The following CSMD1 variants were observed in gnomAD, a reference collection of about 807,000 sequenced individuals.
CSMD1 encodes the protein CUB and sushi domain-containing protein 1.
In CSMD1, 213 loss-of-function variants were observed where a neutral mutation model predicts 417.5. The observed-to-expected ratio is 0.51, with a 90% CI of 0.46 to 0.57. The LOEUF (loss-of-function observed/expected upper bound fraction) is 0.57. Ranked by LOEUF, CSMD1 falls within the 20% of genes least tolerant of loss-of-function variation. The pLI is 0.00. For synonymous variants in CSMD1, 2,862 were observed against 1,736.8 expected (o/e 1.65, Z -16.11); for missense variants, 6,923 against 4,529.7 (o/e 1.53, Z -15.17).
chr8:3,384,197 G>T (rs985707250), intron 18 of CSMD1, among the ~76,000 whole-genome samples: 11 of 152,166 alleles, frequency 7.2e-5, no homozygotes, highest in Admixed American at 5.9e-4. Context: ...TAAATATGTA[G>T]ACATCTTTAA....
chr8:4,784,145 G>C (rs1249383683), intron 1 of CSMD1, among the ~76,000 whole-genome samples: 1 of 152,222 alleles, frequency 6.6e-6, no homozygotes, highest in African/African-American at 2.4e-5. Context: ...TAAGTCAGTT[G>C]CCTGATTCAT....
intron 2 of CSMD1, among the ~76,000 whole-genome samples, chr8:4,427,545 G>C (rs922886750): frequency 3.3e-5 from 5 of 151,898 alleles, no homozygotes; most frequent in Non-Finnish European, 1.5e-5. Flanking sequence ...TGAATCATGT[G>C]AGTATATATA....
At chr8:3,870,868 G>C (rs1369406005) in intron 5 of CSMD1, among the ~76,000 whole-genome samples, 1 of 152,014 alleles carries the variant, frequency 6.6e-6, no homozygotes, top group Non-Finnish European at 1.5e-5. Flanking sequence ...AGGTTCCTTA[G>C]ATGCCTGAGT....
chr8:3,870,928 T>A (rs1805441860), intron 5 of CSMD1, among the ~76,000 whole-genome samples: 1 of 152,106 alleles, frequency 6.6e-6, no homozygotes, highest in Non-Finnish European at 1.5e-5. Context: ...GTACATAGCT[T>A]TTTATGTATT....
intron 2 of CSMD1, among the ~76,000 whole-genome samples, chr8:4,440,948 G>T (rs997902058): frequency 1.3e-5 from 2 of 150,530 alleles, no homozygotes; most frequent in Non-Finnish European, 2.9e-5. Flanking sequence ...AGCGAGCCGA[G>T]ATCATGCCAC....
At chr8:3,385,048 A>T (rs1357375788) in intron 18 of CSMD1, among the ~76,000 whole-genome samples, 1 of 116,156 alleles carries the variant, frequency 8.6e-6, no homozygotes, top group Non-Finnish European at 1.6e-5. Context: ...TAATATATAA[A>T]TATATAATAT....
At chr8:3,306,147 T>G (rs1449999026) in intron 25 of CSMD1, among the ~76,000 whole-genome samples, 3 of 152,082 alleles carry the variant, frequency 2.0e-5, no homozygotes, top group Non-Finnish European at 2.9e-5. Flanking sequence ...ATTTTATTTT[T>G]GTTAAGTTAT....
rs575291455 is a variant in CSMD1 at position 4,280,926 on chromosome 8, G to T, written c.415+139027C>A. The stretch of plus-strand genomic sequence containing the variant: ...CATGGAAGTTGCAATTGCAAAAGTA[G>T]ATATACATATCCACGTTTTTTCCAA... On this transcript the variant is annotated intron_variant, in intron 3 of 69. Transcript: ENST00000635120. Among the ~76,000 whole-genome samples the T allele has an allele frequency of 8.4e-4, 128 of 152,282 alleles. No homozygotes were observed. In the South Asian group the frequency reaches 9.7e-3, roughly 12 times the overall value.
At chr8:4,786,660 C>A (rs768057711) in intron 1 of CSMD1, among the ~76,000 whole-genome samples, 5 of 152,158 alleles carry the variant, frequency 3.3e-5, no homozygotes, top group Non-Finnish European at 2.9e-5. Context: ...ATCTAGAATA[C>A]GTTCTTTTAC....
intron 1 of CSMD1, among the ~76,000 whole-genome samples, chr8:4,640,888 G>C (rs1002318859): frequency 3.4e-5 from 5 of 149,118 alleles, no homozygotes; most frequent in African/African-American, 1.2e-4. Context: ...AAAGTCTAAT[G>C]GTCTTCTTCC....
At chr8:4,795,664 T>C (rs1393531630) in intron 1 of CSMD1, among the ~76,000 whole-genome samples, 1 of 152,000 alleles carries the variant, frequency 6.6e-6, no homozygotes, top group African/African-American at 2.4e-5. Context: ...ATGAGTACAA[T>C]ATGGAAAATA....
chr8:3,947,445 G>GT (rs1309529226), intron 5 of CSMD1, among the ~76,000 whole-genome samples: 1 of 151,956 alleles, frequency 6.6e-6, no homozygotes, highest in African/African-American at 2.4e-5. Context: ...TTTTTAAAAG[G>GT]TTTTTTCTGT....
intron 3 of CSMD1, among the ~76,000 whole-genome samples, chr8:4,291,876 T>C (rs1285475756): frequency 6.6e-6 from 1 of 152,190 alleles, no homozygotes; most frequent in African/African-American, 2.4e-5. Context: ...AAGTTTCCTT[T>C]CAGGTGGACA....
rs1178035807 is a variant in CSMD1 at position 3,889,491 on chromosome 8, AT to A, written c.818+108411del. On this transcript the variant is annotated intron_variant, in intron 5 of 69. Coordinates refer to ENST00000635120, the MANE Select transcript of CSMD1 (RefSeq NM_033225.6). ...TATATATATATATATATATATATAT[AT>A]AAAATATGCTCATTAGGTCATGATA... is the stretch of plus-strand genomic sequence containing the variant. Among the ~76,000 whole-genome samples, 20 of 67,492 alleles carry A rather than the reference AT, an allele frequency of 3.0e-4. No homozygotes were observed. In the East Asian group the frequency reaches 6.2e-3, roughly 21 times the overall value. 44.3% of individuals were successfully genotyped at this position (67,492 alleles called of 152,430 possible).
chr8:4,355,220 C>A (rs1201355725), intron 3 of CSMD1, among the ~76,000 whole-genome samples: 1 of 151,836 alleles, frequency 6.6e-6, no homozygotes, highest in Non-Finnish European at 1.5e-5. Flanking sequence ...CGAGATCGCG[C>A]CACTGCACTC....
At chr8:2,967,071 G>T (rs1276024245) in intron 57 of CSMD1, among the ~76,000 whole-genome samples, 1 of 152,160 alleles carries the variant, frequency 6.6e-6, no homozygotes, top group Non-Finnish European at 1.5e-5. Flanking sequence ...CTTGCTATTT[G>T]GGGATTGAAT....
intron 23 of CSMD1, among the ~76,000 whole-genome samples, chr8:3,321,030 T>C (rs2117477704): frequency 6.6e-6 from 1 of 152,270 alleles, no homozygotes; most frequent in South Asian, 2.1e-4. Flanking sequence ...CTTTTGTATT[T>C]CCCAGTTCAT....
intron 5 of CSMD1, among the ~76,000 whole-genome samples, chr8:3,891,800 C>G (rs1461510812): frequency 2.0e-5 from 3 of 152,098 alleles, no homozygotes; most frequent in African/African-American, 7.2e-5. Flanking sequence ...TTAGGCACAT[C>G]AATTATTTCT....
At chr8:4,049,486 T>C (rs1273204079) in intron 3 of CSMD1, among the ~76,000 whole-genome samples, 4 of 151,680 alleles carry the variant, frequency 2.6e-5, no homozygotes, top group South Asian at 2.1e-4. Context: ...CCATGCATAT[T>C]TGAATCCCCT....
Sources: gnomAD v4.1 joint callset for allele counts (sites outside exome capture counted in the v4.1 genomes callset) on GRCh38, gnomAD v4.1.1 for gene constraint, MANE v1.5 for transcripts, NCBI Gene and HGNC (gene_info 2026-07-23, HGNC 2026-07-21) for gene names.